GFRA1: variants seen among roughly 807,000 people sequenced by gnomAD.
The protein encoded by GFRA1 is GDNF family receptor alpha-1.
GFRA1 carries 16 observed loss-of-function variants against 51.6 expected under a neutral mutation model. That is an observed-to-expected ratio of 0.31 (90% confidence interval 0.21 to 0.47). The LOEUF is 0.47. Ranked by LOEUF, GFRA1 falls within the 20% of genes least tolerant of loss-of-function variation. The pLI is 1.00. For synonymous variants in GFRA1, 270 were observed against 241.3 expected (o/e 1.12, Z -1.10); for missense variants, 530 against 594.3 (o/e 0.89, Z 1.13).
At position 116,244,212 on chromosome 10, in the gene GFRA1, C is replaced by T. The variant is rs1395376327; in HGVS notation, c.418+25291G>A. On this transcript the variant is annotated intron_variant, in intron 4 of 10. Transcript: ENST00000355422. ...CTATTGATCTATTACAGATTTATTACAGATCAATCTGAAAAACTGCCTTAT... is the reference window on the plus strand; with the variant it reads ...CTATTGATCTATTACAGATTTATTATAGATCAATCTGAAAAACTGCCTTAT... Among the ~76,000 whole-genome samples, 4 of 151,468 alleles carry T rather than the reference C, an allele frequency of 2.6e-5. No individual in the cohort carries two copies. The East Asian group carries it at 7.8e-4, about 29-fold the overall frequency.
chr10:116,147,446 G>C (rs1958854416), intron 5 of GFRA1, among the ~76,000 whole-genome samples: 1 of 152,130 alleles, frequency 6.6e-6, no homozygotes, highest in Non-Finnish European at 1.5e-5. Context: ...ATGGTGATGA[G>C]TCCTTTTTTT....
chr10:116,217,299 C>T (rs1477834966), intron 4 of GFRA1, among the ~76,000 whole-genome samples: 1 of 152,218 alleles, frequency 6.6e-6, no homozygotes, highest in East Asian at 1.9e-4. Flanking sequence ...TTGTAGCTTA[C>T]ATTCCTATCT....
At chr10:116,228,217 G>A (rs1966439939) in intron 4 of GFRA1, among the ~76,000 whole-genome samples, 1 of 152,194 alleles carries the variant, frequency 6.6e-6, no homozygotes, top group African/African-American at 2.4e-5. Flanking sequence ...GGCTTTGCAT[G>A]CCAGCATGGT....
At chr10:116,144,170 A>T (rs1434085938) in intron 5 of GFRA1, among the ~76,000 whole-genome samples, 1 of 152,190 alleles carries the variant, frequency 6.6e-6, no homozygotes, top group African/African-American at 2.4e-5. Flanking sequence ...CTGCTAAAAG[A>T]AAATGACTTT....
rs1413369345 is a variant in GFRA1 at position 116,194,034 on chromosome 10, G to GT, written c.433+17596dup. On this transcript the variant is annotated intron_variant, in intron 5 of 10. Transcript: ENST00000355422. ...AGCCTGGGCCACAGAGGGAGACTCC[G>GT]TCTCAATAAAAAAAAATAAATAAAT... Among the ~76,000 whole-genome samples, 3 of 133,020 alleles carry GT rather than the reference G, an allele frequency of 2.3e-5. No homozygotes were observed. The East Asian group carries it at 6.6e-4, about 29-fold the overall frequency. The allele number at this position is 133,020 out of a possible 152,430, so 87.3% of individuals were successfully genotyped here.
chr10:116,271,167 G>A lies in GFRA1; in HGVS notation c.41-52C>T, dbSNP rs770811129. On this transcript the variant is annotated intron_variant, in intron 2 of 10. Transcript: ENST00000355422. ...AGTGCGGCGGGCGGGGACCCCGGCC[G>A]CCCCTGCTCCGGGCGAGGGCGCGCG... is the stretch of plus-strand genomic sequence containing the variant. 4.0e-6 allele frequency: 6 copies of A among 1,514,364 alleles called. No homozygotes were observed. The South Asian group carries it at 6.2e-5, about 16-fold the overall frequency. The allele number at this position is 1,514,364 out of a possible 1,614,324, so 93.8% of individuals were successfully genotyped here.
chr10:116,119,136 G>A (rs146252207), intron 6 of GFRA1, among the ~76,000 whole-genome samples: 128 of 152,290 alleles, frequency 8.4e-4, no homozygotes, highest in African/African-American at 2.5e-3. Context: ...TCAGGAGGTG[G>A]CGCAGGCAGA....
chr10:116,211,037 G>T, intron 5 of GFRA1, among the ~76,000 whole-genome samples: 1 of 152,168 alleles, frequency 6.6e-6, no homozygotes, highest in Admixed American at 6.5e-5. Context: ...TGTGGGGTTA[G>T]GATTTCACCT....
intron 9 of GFRA1, among the ~76,000 whole-genome samples, chr10:116,067,557 T>C (rs1955172612): frequency 6.6e-6 from 1 of 152,242 alleles, no homozygotes; most frequent in African/African-American, 2.4e-5. Flanking sequence ...TTGTTCAGTA[T>C]GATTAGCACT....
At chr10:116,211,539 G>C in intron 5 of GFRA1, 92 bp downstream of exon 5, 2 of 1,186,172 alleles carry the variant, frequency 1.7e-6, no homozygotes, top group Non-Finnish European at 2.5e-6. Context: ...CATAGAGAAC[G>C]GGAAACCCCA....
chr10:116,258,127 T>C (rs1051034880), intron 4 of GFRA1, among the ~76,000 whole-genome samples: 2 of 152,186 alleles, frequency 1.3e-5, no homozygotes, highest in African/African-American at 2.4e-5. Context: ...ATCTTGTTTA[T>C]ATCTATCTCT....
chr10:116,255,893 G>C lies in GFRA1; in HGVS notation c.418+13610C>G, dbSNP rs55689361. The C allele has an allele frequency of 1.3e-3, 313 of 237,274 alleles. 2 individuals are homozygous for C. The highest frequency in any genetic ancestry group is 7.1e-3 in the African/African-American group (305 of 43,108). The allele number at this position is 237,274 out of a possible 1,614,324, so 14.7% of individuals were successfully genotyped here. On this transcript the variant is annotated intron_variant, in intron 4 of 10. Transcript: ENST00000355422. ...TGGACTGACTGGTAATTGGAATTTC[G>C]GGTATGGCTATTGTTTTTCTTTTCA...
chr10:116,138,635 A>ACCCCCCCCCCCCCCCCCCCCCCAC (rs368825109), intron 5 of GFRA1, among the ~76,000 whole-genome samples: 1 of 120,252 alleles, frequency 8.3e-6, no homozygotes, highest in African/African-American at 3.1e-5. Flanking sequence ...GATGGTAGGA[A>ACCCCCCCCCCCCCCCCCCCCCCAC]CCCCCCCCCG....
intron 4 of GFRA1, among the ~76,000 whole-genome samples, chr10:116,261,813 A>G (rs1641404697): frequency 6.6e-6 from 1 of 152,214 alleles, no homozygotes; most frequent in African/African-American, 2.4e-5. Flanking sequence ...TTACTTTTGC[A>G]CCAGCCTAAT....
chr10:116,101,048 C>T (rs1565575786), intron 6 of GFRA1, among the ~76,000 whole-genome samples: 1 of 152,174 alleles, frequency 6.6e-6, no homozygotes, highest in Non-Finnish European at 1.5e-5. Flanking sequence ...AAGATGCTGA[C>T]ATGTTGTTAG....
intron 4 of GFRA1, among the ~76,000 whole-genome samples, chr10:116,235,933 C>T (rs1320002616): frequency 6.6e-6 from 1 of 152,140 alleles, no homozygotes; most frequent in Non-Finnish European, 1.5e-5. Context: ...GCCTCCAAAA[C>T]TATGAGAAAT....
At chr10:116,072,004 A>G (rs774971516) in intron 9 of GFRA1, among the ~76,000 whole-genome samples, 1 of 151,982 alleles carries the variant, frequency 6.6e-6, no homozygotes, top group Non-Finnish European at 1.5e-5. Context: ...CTCAGTACAC[A>G]ATATTCCTGT....
At chr10:116,159,032 A>G (rs10885866) in intron 5 of GFRA1, among the ~76,000 whole-genome samples, 27,962 of 152,214 alleles carry the variant, frequency 0.18, 3,024 homozygotes, top group Admixed American at 0.29. Flanking sequence ...CCTCTAAGTC[A>G]TCAGGCGTGA....
intron 5 of GFRA1, among the ~76,000 whole-genome samples, chr10:116,137,761 T>C (rs1361910406): frequency 6.6e-6 from 1 of 152,096 alleles, no homozygotes; most frequent in East Asian, 1.9e-4. Context: ...GAAGAAGAAA[T>C]GTCCATCTTA....
Sources: gnomAD v4.1 joint callset for allele counts (sites outside exome capture counted in the v4.1 genomes callset) on GRCh38, gnomAD v4.1.1 for gene constraint, MANE v1.5 for transcripts, NCBI Gene and HGNC (gene_info 2026-07-23, HGNC 2026-07-21) for gene names.